The following FGF12 variants were observed in gnomAD, a reference collection of about 807,000 sequenced individuals.
FGF12 encodes the protein fibroblast growth factor 12, also known as fibroblast growth factor 12B.
Under a neutral mutation model 23.6 loss-of-function variants are expected in FGF12, and 14 were observed. The ratio of observed to expected loss-of-function variants is 0.59; its 90% CI spans 0.39 to 0.93. The LOEUF is 0.93. FGF12 is among the 40% of genes least tolerant of loss of function. FGF12 has a pLI of 0.00. For synonymous variants in FGF12, 62 were observed against 77.3 expected (o/e 0.80, Z 1.04); for missense variants, 175 against 217.8 (o/e 0.80, Z 1.24).
Position 192,589,330 on chromosome 3 carries a change from T to C in FGF12, c.13+137851A>G, listed in dbSNP as rs553930517. The stretch of plus-strand genomic sequence containing the variant: ...AGCCTGGTGACAGAGTGAGACTCCA[T>C]CTCAAAAAAAAAAAAAAGTCCTAAA... On this transcript the variant is annotated intron_variant, in intron 2 of 5. Coordinates refer to ENST00000445105, the MANE Select transcript of FGF12 (RefSeq NM_004113.6). Among the ~76,000 whole-genome samples the C allele has an allele frequency of 2.8e-3, 352 of 126,102 alleles. 4 individuals carry two copies. The highest frequency in any genetic ancestry group is 0.015 in the Middle Eastern group (4 of 264). 82.7% of individuals were successfully genotyped at this position (126,102 alleles called of 152,430 possible). A position where few individuals can be genotyped will look rare whatever the true frequency, so the allele number is the denominator to read the frequency against.
chr3:192,317,512 A>G (rs1187727803), intron 4 of FGF12, among the ~76,000 whole-genome samples: 4 of 152,060 alleles, frequency 2.6e-5, no homozygotes, highest in Admixed American at 6.5e-5. Context: ...GGAAAGGGAA[A>G]AAGGAAGAGT....
At chr3:192,310,596 A>C (rs2108671598) in intron 4 of FGF12, among the ~76,000 whole-genome samples, 1 of 152,328 alleles carries the variant, frequency 6.6e-6, no homozygotes, top group African/African-American at 2.4e-5. Context: ...TGTCATTTTA[A>C]GGTACAAAAT....
chr3:192,640,847 C>G (rs953532069), intron 2 of FGF12, among the ~76,000 whole-genome samples: 1 of 151,992 alleles, frequency 6.6e-6, no homozygotes, highest in Non-Finnish European at 1.5e-5. Context: ...GGGTCTTACT[C>G]TGTTGCCCAG....
chr3:192,538,069 C>A (rs888052809), intron 2 of FGF12, among the ~76,000 whole-genome samples: 2 of 151,566 alleles, frequency 1.3e-5, no homozygotes, highest in African/African-American at 4.8e-5. Flanking sequence ...GCCTCAGCCT[C>A]CTGAGCACCT....
intron 4 of FGF12, among the ~76,000 whole-genome samples, chr3:192,187,150 A>G (rs751089254): frequency 7.2e-5 from 11 of 152,206 alleles, no homozygotes; most frequent in Non-Finnish European, 1.3e-4. Flanking sequence ...TAATAGAATC[A>G]GCATGCAAAT....
chr3:192,519,481 A>G (rs1400422903), intron 2 of FGF12, among the ~76,000 whole-genome samples: 2 of 152,170 alleles, frequency 1.3e-5, no homozygotes, highest in African/African-American at 4.8e-5. Flanking sequence ...AGTTAGTGGT[A>G]TTAACCTTGA....
chr3:192,344,921 A>G lies in FGF12; in HGVS notation c.125-9457T>C, dbSNP rs79352581. Among the ~76,000 whole-genome samples, 53 of 152,314 alleles carry G rather than the reference A, an allele frequency of 3.5e-4. No individual in the cohort carries two copies. The East Asian group carries it at 9.5e-3, about 27-fold the overall frequency. ...CTGTCATTACTCATTCTCTGGAGCC[A>G]TTTGTCTTACACAGACTTGTCTTGG... On this transcript the variant is annotated intron_variant, in intron 3 of 5. Coordinates refer to ENST00000445105, the MANE Select transcript of FGF12 (RefSeq NM_004113.6).
At chr3:192,301,113 T>C (rs942948009) in intron 4 of FGF12, among the ~76,000 whole-genome samples, 7 of 151,496 alleles carry the variant, frequency 4.6e-5, no homozygotes, top group African/African-American at 1.7e-4. Context: ...GAAAACACAA[T>C]GAGGTATTGA....
At chr3:192,582,574 C>T (rs998845078) in intron 2 of FGF12, among the ~76,000 whole-genome samples, 28 of 151,860 alleles carry the variant, frequency 1.8e-4, no homozygotes, top group Admixed American at 5.9e-4. Flanking sequence ...GAGAGCAGTC[C>T]TAAGGGTCAG....
intron 2 of FGF12, among the ~76,000 whole-genome samples, chr3:192,431,932 A>G (rs1444508827): frequency 6.6e-6 from 1 of 152,096 alleles, no homozygotes; most frequent in African/African-American, 2.4e-5. Context: ...CACACATATC[A>G]ATACACATGT....
rs146216213 is a variant in FGF12 at position 192,592,725 on chromosome 3, G to T, written c.13+134456C>A. ...AGAATTCCCTCAAATTTCTCCAAGG[G>T]TCTCCATCTTCTCTTTATCTCCAGA... is the stretch of plus-strand genomic sequence containing the variant. On this transcript the variant is annotated intron_variant, in intron 2 of 5. Transcript: ENST00000445105. Among the ~76,000 whole-genome samples the T allele has an allele frequency of 3.7e-3, 564 of 151,784 alleles. 5 individuals carry two copies. The highest frequency in any genetic ancestry group is 0.013 in the African/African-American group (531 of 41,450).
At chr3:192,332,999 A>G (rs552673450) in intron 4 of FGF12, among the ~76,000 whole-genome samples, 2 of 152,242 alleles carry the variant, frequency 1.3e-5, no homozygotes, top group Non-Finnish European at 2.9e-5. Context: ...GAAAATACAG[A>G]TACCCCAATA....
chr3:192,539,123 T>C (rs991737387), intron 2 of FGF12, among the ~76,000 whole-genome samples: 1 of 152,134 alleles, frequency 6.6e-6, no homozygotes, highest in Non-Finnish European at 1.5e-5. Flanking sequence ...GCGTGGATGC[T>C]TTTTATTTCT....
At chr3:192,696,358 G>A (rs1392610537) in intron 2 of FGF12, among the ~76,000 whole-genome samples, 1 of 152,050 alleles carries the variant, frequency 6.6e-6, no homozygotes, top group Non-Finnish European at 1.5e-5. Flanking sequence ...ACTCATTGAG[G>A]GCACCATGTG....
chr3:192,442,380 T>G (rs532849848), intron 2 of FGF12, among the ~76,000 whole-genome samples: 1 of 152,218 alleles, frequency 6.6e-6, no homozygotes, highest in Non-Finnish European at 1.5e-5. Flanking sequence ...GATTATTAAT[T>G]GAATAAATGC....
chr3:192,262,045 G>A (rs906042155), intron 4 of FGF12, among the ~76,000 whole-genome samples: 1 of 152,170 alleles, frequency 6.6e-6, no homozygotes, highest in Non-Finnish European at 1.5e-5. Context: ...CCCTAGGTGT[G>A]CCAAGAGAAA....
At chr3:192,573,953 C>T (rs1398887252) in intron 2 of FGF12, among the ~76,000 whole-genome samples, 1 of 152,236 alleles carries the variant, frequency 6.6e-6, no homozygotes, top group Non-Finnish European at 1.5e-5. Context: ...TTTCTCCTTT[C>T]CCAGCCTCTT....
chr3:192,567,416 A>C (rs1712348275), intron 2 of FGF12, among the ~76,000 whole-genome samples: 1 of 152,158 alleles, frequency 6.6e-6, no homozygotes. Context: ...AAAGGCTAAA[A>C]ATTTTCTTAG....
chr3:192,723,355 T>C (rs1253397771), intron 2 of FGF12, among the ~76,000 whole-genome samples: 1 of 152,098 alleles, frequency 6.6e-6, no homozygotes, highest in Non-Finnish European at 1.5e-5. Context: ...GCCTTCATAA[T>C]GATTAGACAG....
Sources: allele counts gnomAD v4.1 joint callset (sites outside exome capture counted in the v4.1 genomes callset), GRCh38; gene constraint gnomAD v4.1.1; transcripts MANE v1.5; gene names NCBI Gene and HGNC (gene_info 2026-07-23, HGNC 2026-07-21).